Variants in TGFBR1 observed in about 807,000 individuals in gnomAD.
TGFBR1 encodes TGF-beta receptor type-1.
TGFBR1 carries 20 observed loss-of-function variants against 55.1 expected under a neutral mutation model. That is an observed-to-expected ratio of 0.36 (90% confidence interval 0.26 to 0.53). The LOEUF is 0.53. Among genes scored for constraint, TGFBR1 ranks in the 20% least tolerant of loss-of-function variants. The pLI is 0.91. For missense variants in TGFBR1, 385 were observed against 617.6 expected, an observed-to-expected ratio of 0.62 and a Z score of 3.99; for synonymous variants, 220 against 214.8, an observed-to-expected ratio of 1.02 and a Z score of -0.21.
Position 99,149,468 on chromosome 9 carries a change from A to G in TGFBR1, c.*163A>G. 1 of 945,486 alleles carries G rather than the reference A, an allele frequency of 1.1e-6. No individual in the cohort carries two copies. Among genetic ancestry groups the G allele is most frequent in the Non-Finnish European group, 1.6e-6 (1 of 621,824 alleles). The allele number at this position is 945,486 out of a possible 1,614,324, so 58.6% of individuals were successfully genotyped here. A position where few individuals can be genotyped will look rare whatever the true frequency, so the allele number is the denominator to read the frequency against. ...TAAAAACTTCCCAGGATTTCTTTGGACCCAGGAAACAGCCATGTGGGTCCT... is the reference window on the plus strand; with the variant it reads ...TAAAAACTTCCCAGGATTTCTTTGGGCCCAGGAAACAGCCATGTGGGTCCT... On this transcript the variant is annotated 3_prime_UTR_variant, in exon 9 of 9. Coordinates refer to ENST00000374994, the MANE Select transcript of TGFBR1 (RefSeq NM_004612.4).
At chr9:99,129,232 C>G (rs1827139442) in intron 2 of TGFBR1, 132 bp downstream of exon 2, 1 of 1,038,910 alleles carries the variant, frequency 9.6e-7, no homozygotes, top group Non-Finnish European at 1.4e-6. Context: ...AGTGACTTGT[C>G]CATTGTTACA....
rs1293459111 is a variant in TGFBR1, at chr9:99,153,128, A to C, written c.*3823A>C. The C allele has an allele frequency of 8.8e-6, 2 of 226,606 alleles. No individual in the cohort carries two copies. The highest frequency in any genetic ancestry group is 1.8e-5 in the Non-Finnish European group (2 of 113,650). 14.0% of individuals were successfully genotyped at this position (226,606 alleles called of 1,614,324 possible). A position where few individuals can be genotyped will look rare whatever the true frequency, so the allele number is the denominator to read the frequency against. On this transcript the variant is annotated 3_prime_UTR_variant, in exon 9 of 9. Coordinates refer to ENST00000374994, the MANE Select transcript of TGFBR1 (RefSeq NM_004612.4). ...GGTGTTTGATATTTCTTCATATGTTAAGGAGATGCTTCAAAATGTCAATTG... is the reference window on the plus strand; with the variant it reads ...GGTGTTTGATATTTCTTCATATGTTCAGGAGATGCTTCAAAATGTCAATTG...
chr9:99,149,024 A>G (rs1827890833), intron 8 of TGFBR1, among the ~76,000 whole-genome samples, 156 bp from the exon 9 acceptor site: 1 of 152,224 alleles, frequency 6.6e-6, no homozygotes. Context: ...ATTGATGGAA[A>G]TTTATGTAAT....
intron 1 of TGFBR1, among the ~76,000 whole-genome samples, chr9:99,124,498 A>T (rs1473113778): frequency 1.3e-5 from 2 of 152,116 alleles, no homozygotes; most frequent in African/African-American, 4.8e-5. Context: ...GCGTTTAAAA[A>T]TTTAAAACCT....
At chr9:99,120,378 A>G (rs151047042) in intron 1 of TGFBR1, among the ~76,000 whole-genome samples, 4 of 152,332 alleles carry the variant, frequency 2.6e-5, no homozygotes, top group African/African-American at 7.2e-5. Flanking sequence ...ACCTTTAGAC[A>G]TAGAAGTTTC....
chr9:99,103,858 C>G (rs780633337), upstream of TGFBR1, among the ~76,000 whole-genome samples: 1 of 152,200 alleles, frequency 6.6e-6, no homozygotes, highest in Admixed American at 6.5e-5. Context: ...GGAAAATGCT[C>G]ACCCAGTGAC....
chr9:99,151,779 T>C lies in TGFBR1; in HGVS notation c.*2474T>C, dbSNP rs982626225. 3 of 217,650 alleles carry C rather than the reference T, an allele frequency of 1.4e-5. No individual in the cohort carries two copies. The highest frequency in any genetic ancestry group is 6.8e-5 in the East Asian group (1 of 14,738). 13.5% of individuals were successfully genotyped at this position (217,650 alleles called of 1,614,324 possible). ...TTTGATAAACCACAATTGGCTGATA[T>C]TGAAAATGAAAGAAACTTAAAAGGT... On this transcript the variant is annotated 3_prime_UTR_variant, in exon 9 of 9. Coordinates refer to ENST00000374994, the MANE Select transcript of TGFBR1 (RefSeq NM_004612.4).
At position 99,152,188 on chromosome 9, in the gene TGFBR1, C is replaced by G. The variant is rs1456274118; in HGVS notation, c.*2883C>G. The G allele has an allele frequency of 1.4e-5, 3 of 207,594 alleles. No homozygotes were observed. Among genetic ancestry groups the G allele is most frequent in the African/African-American group, 4.5e-5 (2 of 43,984 alleles). The allele number at this position is 207,594 out of a possible 1,614,324, so 12.9% of individuals were successfully genotyped here. ...CTGATGGAAGTTGTGGGACCCACTT[C>G]CATTTCCTTCAGTCATTAGAGGTGG... is the stretch of plus-strand genomic sequence containing the variant. On this transcript the variant is annotated 3_prime_UTR_variant, in exon 9 of 9. Transcript: ENST00000374994.
chr9:99,147,676 G>A lies in TGFBR1; in HGVS notation c.1278G>A (p.Leu426=), dbSNP rs368928967. The A allele has an allele frequency of 6.2e-7, 1 of 1,613,334 alleles. No homozygotes were observed. The highest frequency in any genetic ancestry group is 8.5e-7 in the Non-Finnish European group (1 of 1,179,670). ...SIGGIHEDYQ[L]PYYDLVPSDP... ...CAGGAATTCATGAAGATTACCAACT[G>A]CCTTATTATGATCTTGTACCTTCTG... Residue 426 remains leucine, a synonymous_variant, in exon 8 of 9, where the codon CTG becomes CTA. Transcript: ENST00000374994.
chr9:99,106,809 C>T (rs985950649), intron 1 of TGFBR1, among the ~76,000 whole-genome samples: 3 of 152,206 alleles, frequency 2.0e-5, no homozygotes, highest in African/African-American at 7.2e-5. Flanking sequence ...ATTCTGTCCT[C>T]ATGATTTGAG....
chr9:99,142,096 A>G (rs1827631008), intron 4 of TGFBR1, among the ~76,000 whole-genome samples: 2 of 151,658 alleles, frequency 1.3e-5, no homozygotes, highest in Middle Eastern at 3.4e-3. Context: ...TTCCATTCCC[A>G]CTGTGGCCAC....
In TGFBR1 at chr9:99,144,904, A is replaced by C. The variant is rs2118807823; in HGVS notation, c.1130+16A>C. 2 of 1,612,860 alleles carry C rather than the reference A, an allele frequency of 1.2e-6. No homozygotes were observed. The highest frequency in any genetic ancestry group is 1.7e-4 in the Middle Eastern group (1 of 6,054). On this transcript the variant is annotated intron_variant, in intron 6 of 8. Coordinates refer to ENST00000374994, the MANE Select transcript of TGFBR1 (RefSeq NM_004612.4). ...GAACAAAAAGGTATACTTTTGAACA[A>C]CTATATTTAATATCTTCTGAAATCA...
intron 5 of TGFBR1, 98 bp downstream of exon 5, chr9:99,142,801 A>T: frequency 7.2e-7 from 1 of 1,384,712 alleles, no homozygotes; most frequent in South Asian, 1.2e-5. Context: ...GCTCATGCCT[A>T]TAATCCCAGC....
chr9:99,146,496 CT>C lies in TGFBR1; in HGVS notation c.1143del (p.Glu382LysfsTer7). On this transcript the variant is annotated frameshift_variant, in exon 7 of 9. Transcript: ENST00000374994. LOFTEE classifies it high-confidence loss of function. ...CAAATTTTTTTTAGGTACATGGCCC[CT>C]GAAGTTCTCGATGATTCCATAAATA... ...HRVGTKRYMA[P>X]EVLDDSINMK... The C allele has an allele frequency of 6.2e-7, 1 of 1,613,872 alleles. No homozygotes were observed. The highest frequency in any genetic ancestry group is 8.5e-7 in the Non-Finnish European group (1 of 1,179,858).
In TGFBR1 at chr9:99,150,830, A is replaced by G. The variant is rs1037765740; in HGVS notation, c.*1525A>G. 2 of 219,470 alleles carry G rather than the reference A, an allele frequency of 9.1e-6. No homozygotes were observed. Among genetic ancestry groups the G allele is most frequent in the African/African-American group, 4.5e-5 (2 of 44,766 alleles). 13.6% of individuals were successfully genotyped at this position (219,470 alleles called of 1,614,324 possible). A position where few individuals can be genotyped will look rare whatever the true frequency, so the allele number is the denominator to read the frequency against. ...AGCAAACTTGTCATGGTCTTCTTAC[A>G]TTAAGTTGAAACTAGCTTATAATAA... is the stretch of plus-strand genomic sequence containing the variant. On this transcript the variant is annotated 3_prime_UTR_variant, in exon 9 of 9. Transcript: ENST00000374994.
upstream of TGFBR1, chr9:99,105,060 C>T: frequency 1.8e-6 from 1 of 570,990 alleles, no homozygotes; most frequent in Non-Finnish European, 2.3e-6. Context: ...GCCCGGCAGC[C>T]AATGGACGCG....
At chr9:99,105,617 G>C (rs1826389604) in intron 1 of TGFBR1, among the ~76,000 whole-genome samples, 1 of 151,782 alleles carries the variant, frequency 6.6e-6, no homozygotes, top group African/African-American at 2.4e-5. Flanking sequence ...TGCCCTCTGG[G>C]GTGTGAGTGG....
chr9:99,134,852 ATT>A (rs1348242470), intron 3 of TGFBR1, among the ~76,000 whole-genome samples: 1 of 106,570 alleles, frequency 9.4e-6, no homozygotes, highest in Admixed American at 1.0e-4. Flanking sequence ...ATATATATAT[ATT>A]TCTAGATCCA....
chr9:99,150,392 T>C lies in TGFBR1; in HGVS notation c.*1087T>C, dbSNP rs1320904428. On this transcript the variant is annotated 3_prime_UTR_variant, in exon 9 of 9. Coordinates refer to ENST00000374994, the MANE Select transcript of TGFBR1 (RefSeq NM_004612.4). ...TGTGGTATTCTGTAAGCCATTTTTT[T>C]CTTTATCTGTTCAAAGACTTATTTT... 4.8e-6 allele frequency: 1 copy of C among 210,154 alleles called. No individual in the cohort carries two copies. The highest frequency in any genetic ancestry group is 9.7e-6 in the Non-Finnish European group (1 of 103,128). The allele number at this position is 210,154 out of a possible 1,614,324, so 13.0% of individuals were successfully genotyped here. A position where few individuals can be genotyped will look rare whatever the true frequency, so the allele number is the denominator to read the frequency against.
Sources: gnomAD v4.1 joint callset for allele counts (sites outside exome capture counted in the v4.1 genomes callset) on GRCh38, gnomAD v4.1.1 for gene constraint, MANE v1.5 for transcripts, NCBI Gene and HGNC (gene_info 2026-07-23, HGNC 2026-07-21) for gene names.